GALNT7: variants seen among roughly 807,000 people sequenced by gnomAD.
GALNT7 encodes the protein N-acetylgalactosaminyltransferase 7.
Under a neutral mutation model 82.1 loss-of-function variants are expected in GALNT7, and 60 were observed. That is an observed-to-expected ratio of 0.73 (90% CI 0.59 to 0.91). GALNT7 has a LOEUF of 0.91. Among genes scored for constraint, GALNT7 ranks in the 40% least tolerant of loss-of-function variants. The pLI, the probability that GALNT7 is intolerant of heterozygous loss-of-function variation, is 0.00. For synonymous variants in GALNT7, 243 were observed against 275.1 expected (o/e 0.88, Z 1.15); for missense variants, 660 against 804.2 (o/e 0.82, Z 2.17).
chr4:173,271,929 T>A (rs1174355984), intron 2 of GALNT7, among the ~76,000 whole-genome samples: 1 of 152,240 alleles, frequency 6.6e-6, no homozygotes, highest in Non-Finnish European at 1.5e-5. Context: ...ATGACCACAA[T>A]TTATTTCATC....
Position 173,265,131 on chromosome 4 carries a change from G to A in GALNT7, c.587+16691G>A, listed in dbSNP as rs569890561. Among the ~76,000 whole-genome samples the A allele has an allele frequency of 5.3e-5, 8 of 152,304 alleles. No individual in the cohort carries two copies. The South Asian group carries it at 1.2e-3, about 24-fold the overall frequency. ...CAGGATACCAGGCTTGCCCTTCTTC[G>A]GTTTCCCCAGGAGCAGGCAGGGGAC... On this transcript the variant is annotated intron_variant, in intron 2 of 11. Coordinates refer to ENST00000265000, the MANE Select transcript of GALNT7 (RefSeq NM_017423.3).
At position 173,323,597 on chromosome 4, in the gene GALNT7, T is replaced by G. The variant is rs1475495607; in HGVS notation, c.*1880T>G. 6.6e-6 allele frequency: 1 copy of G among 152,590 alleles called. No individual in the cohort carries two copies. Among genetic ancestry groups the G allele is most frequent in the Admixed American group, 6.5e-5 (1 of 15,272 alleles). The allele number at this position is 152,590 out of a possible 1,614,324, so 9.5% of individuals were successfully genotyped here. A position where few individuals can be genotyped will look rare whatever the true frequency, so the allele number is the denominator to read the frequency against. On this transcript the variant is annotated 3_prime_UTR_variant, in exon 12 of 12. Coordinates refer to ENST00000265000, the MANE Select transcript of GALNT7 (RefSeq NM_017423.3). ...AAGAAAGGTGGCAATGAACTGTGCATGTAAATTTTAAATGGGTACTTTGTG... is the reference window on the plus strand; with the variant it reads ...AAGAAAGGTGGCAATGAACTGTGCAGGTAAATTTTAAATGGGTACTTTGTG...
At chr4:173,232,599 A>G (rs1184465180) in intron 1 of GALNT7, among the ~76,000 whole-genome samples, 1 of 151,896 alleles carries the variant, frequency 6.6e-6, no homozygotes, top group Non-Finnish European at 1.5e-5. Flanking sequence ...TGCCCTGCTG[A>G]TTTAAAAAAA....
At chr4:173,240,393 G>T (rs1166234187) in intron 1 of GALNT7, among the ~76,000 whole-genome samples, 1 of 116,670 alleles carries the variant, frequency 8.6e-6, no homozygotes, top group Non-Finnish European at 1.6e-5. Context: ...TTTTGAGACA[G>T]AGCTTCGCTT....
At chr4:173,211,023 TGC>T (rs1210504929) in intron 1 of GALNT7, among the ~76,000 whole-genome samples, 3 of 152,302 alleles carry the variant, frequency 2.0e-5, no homozygotes, top group Admixed American at 2.0e-4. Flanking sequence ...AATATTGAGA[TGC>T]CTTACATTCT....
chr4:173,319,273 A>G (rs1324450768), intron 11 of GALNT7, among the ~76,000 whole-genome samples: 2 of 151,932 alleles, frequency 1.3e-5, no homozygotes, highest in East Asian at 3.9e-4. Flanking sequence ...GCTGCCTCAC[A>G]CTAAAAAAAT....
At chr4:173,210,646 TG>T (rs1323226753) in intron 1 of GALNT7, among the ~76,000 whole-genome samples, 2 of 152,122 alleles carry the variant, frequency 1.3e-5, no homozygotes, top group Admixed American at 1.3e-4. Context: ...TTGCCCAAGC[TG>T]GTCTGGAACT....
At position 173,321,857 on chromosome 4, in the gene GALNT7, A is replaced by T; in HGVS notation, c.*140A>T. 2 of 569,302 alleles carry T rather than the reference A, an allele frequency of 3.5e-6. No individual in the cohort carries two copies. The highest frequency in any genetic ancestry group is 4.7e-5 in the South Asian group (2 of 42,314). 35.3% of individuals were successfully genotyped at this position (569,302 alleles called of 1,614,324 possible). ...GAACCTCCTGATCAGTTTGAAGGACATTGATAAACTGTGATTTTACAATAA... is the reference window on the plus strand; with the variant it reads ...GAACCTCCTGATCAGTTTGAAGGACTTTGATAAACTGTGATTTTACAATAA... On this transcript the variant is annotated 3_prime_UTR_variant, in exon 12 of 12. Transcript: ENST00000265000.
At chr4:173,311,124 C>T (rs1334735127) in intron 8 of GALNT7, among the ~76,000 whole-genome samples, 1 of 152,216 alleles carries the variant, frequency 6.6e-6, no homozygotes, top group East Asian at 1.9e-4. Flanking sequence ...TGTCATACTG[C>T]ATTTGCTTTT....
intron 1 of GALNT7, among the ~76,000 whole-genome samples, chr4:173,201,809 T>C (rs1321166057): frequency 6.6e-6 from 1 of 152,240 alleles, no homozygotes; most frequent in Non-Finnish European, 1.5e-5. Flanking sequence ...CAAACATCTT[T>C]TCATCATCCC....
intron 8 of GALNT7, among the ~76,000 whole-genome samples, chr4:173,306,787 A>G (rs889067119): frequency 1.9e-4 from 29 of 152,178 alleles, no homozygotes; most frequent in African/African-American, 7.0e-4. Context: ...ATTATTTAGA[A>G]TTATTTATCC....
At chr4:173,187,594 AAC>A in intron 1 of GALNT7, among the ~76,000 whole-genome samples, 1 of 152,346 alleles carries the variant, frequency 6.6e-6, no homozygotes, top group East Asian at 1.9e-4. Flanking sequence ...CTAGAAGAGC[AAC>A]TATTTTGTGG....
At chr4:173,178,491 TCAGTTG>T (rs1732145703) in intron 1 of GALNT7, among the ~76,000 whole-genome samples, 1 of 152,198 alleles carries the variant, frequency 6.6e-6, no homozygotes, top group Non-Finnish European at 1.5e-5. Flanking sequence ...GAGCTAACTT[TCAGTTG>T]CTTAATTTGC....
intron 2 of GALNT7, among the ~76,000 whole-genome samples, chr4:173,289,805 G>GT (rs139472771): frequency 0.022 from 3,319 of 150,000 alleles, 129 homozygotes; most frequent in African/African-American, 0.076. Context: ...TGTAGCCTGA[G>GT]TTTTTTTTTT....
At chr4:173,184,078 G>A (rs6828299) in intron 1 of GALNT7, among the ~76,000 whole-genome samples, 2,814 of 151,750 alleles carry the variant, frequency 0.019, 94 homozygotes, top group African/African-American at 0.065. Context: ...TCCTAGACAG[G>A]ATGAGGGTCG....
At chr4:173,192,076 T>A (rs1198907441) in intron 1 of GALNT7, among the ~76,000 whole-genome samples, 2 of 152,178 alleles carry the variant, frequency 1.3e-5, no homozygotes, top group African/African-American at 4.8e-5. Flanking sequence ...TCTTTCAAAG[T>A]AGGACTTTGT....
intron 9 of GALNT7, among the ~76,000 whole-genome samples, chr4:173,315,568 G>A (rs1052658375): frequency 6.6e-5 from 10 of 152,126 alleles, no homozygotes; most frequent in South Asian, 2.1e-4. Context: ...CGTCAGAAAC[G>A]CCAGCATTTA....
chr4:173,206,625 CA>C (rs1733107198), intron 1 of GALNT7, among the ~76,000 whole-genome samples: 2 of 152,142 alleles, frequency 1.3e-5, no homozygotes, highest in Admixed American at 1.3e-4. Context: ...TGTGGAATAT[CA>C]AACTAGTCTT....
At chr4:173,252,145 A>G (rs922590731) in intron 2 of GALNT7, among the ~76,000 whole-genome samples, 3 of 152,232 alleles carry the variant, frequency 2.0e-5, no homozygotes, top group Non-Finnish European at 1.5e-5. Context: ...ATTACCTAAT[A>G]TGCATATTAG....
Sources: allele counts gnomAD v4.1 joint callset (sites outside exome capture counted in the v4.1 genomes callset), GRCh38; gene constraint gnomAD v4.1.1; transcripts MANE v1.5; gene names NCBI Gene and HGNC (gene_info 2026-07-23, HGNC 2026-07-21).